CKAP5: variants seen among roughly 807,000 people sequenced by gnomAD.
CKAP5 encodes cytoskeleton associated protein 5.
CKAP5 carries 27 observed loss-of-function variants against 232.8 expected under a neutral mutation model. The observed-to-expected ratio is 0.12, with a 90% CI of 0.09 to 0.16. The LOEUF is 0.16. Ranked by LOEUF, CKAP5 falls within the 10% of genes least tolerant of loss-of-function variation. The pLI is 1.00. For synonymous variants in CKAP5, 785 were observed against 841.1 expected, an observed-to-expected ratio of 0.93 and a Z score of 1.16; for missense variants, 1,838 against 2,424.7, an observed-to-expected ratio of 0.76 and a Z score of 5.08.
intron 2 of CKAP5, 188 bp downstream of exon 2, chr11:46,820,987 C>T (rs570470224): frequency 1.9e-6 from 1 of 534,750 alleles, no homozygotes; most frequent in African/African-American, 2.0e-5. Context: ...TGAATTCTTT[C>T]CAGAGACAAA....
intron 28 of CKAP5, among the ~76,000 whole-genome samples, chr11:46,764,315 A>G (rs1360208662): frequency 6.6e-6 from 1 of 152,244 alleles, no homozygotes; most frequent in African/African-American, 2.4e-5. Flanking sequence ...AAAGACCTAC[A>G]TTCAAAGATA....
intron 24 of CKAP5, among the ~76,000 whole-genome samples, chr11:46,774,625 T>C (rs151052164): frequency 0.019 from 2,914 of 152,282 alleles, 97 homozygotes; most frequent in African/African-American, 0.066. Flanking sequence ...AGCATGGTAC[T>C]GGTACCAAAA....
intron 26 of CKAP5, among the ~76,000 whole-genome samples, chr11:46,768,295 G>T (rs940024285): frequency 3.4e-4 from 51 of 151,816 alleles, no homozygotes; most frequent in Non-Finnish European, 7.4e-5. Context: ...GGCTAAAACA[G>T]TCCTCCTACC....
chr11:46,794,178 T>C (rs1255415700), intron 13 of CKAP5, among the ~76,000 whole-genome samples: 1 of 152,138 alleles, frequency 6.6e-6, no homozygotes. Context: ...ATCATAAGCC[T>C]GGGGGCAGTG....
chr11:46,793,810 G>C (rs556734874), intron 13 of CKAP5, among the ~76,000 whole-genome samples: 4 of 152,248 alleles, frequency 2.6e-5, no homozygotes, highest in Middle Eastern at 3.4e-3. Context: ...TGTAAACCCA[G>C]CTACTCAGGA....
rs556750243 is a variant in CKAP5 at position 46,762,971 on chromosome 11, A to G, written c.3891+5T>C. 8 of 1,611,630 alleles carry G rather than the reference A, an allele frequency of 5.0e-6. No homozygotes were observed. The highest frequency in any genetic ancestry group is 1.3e-5 in the African/African-American group (1 of 74,964). On this transcript the variant is annotated splice_donor_5th_base_variant and intron_variant, in intron 30 of 43. Transcript: ENST00000529230. ...CAGTCTCCCAGAGAGAGAACACCAC[A>G]TTACCTTGACGACAAGATAGGGGAT...
At position 46,810,737 on chromosome 11, in the gene CKAP5, C is replaced by CT. The variant is rs1939255916; in HGVS notation, c.630+269_630+270insA. Among the ~76,000 whole-genome samples, 3 of 152,286 alleles carry CT rather than the reference C, an allele frequency of 2.0e-5. No homozygotes were observed. In the South Asian group the frequency reaches 6.2e-4, roughly 32 times the overall value. ...TAAGTCCCACTTTTTAAGACACTCT[C>CT]ATTAGTTCATTAATTCAGATACATT... is the stretch of plus-strand genomic sequence containing the variant. On this transcript the variant is annotated intron_variant, in intron 5 of 43. Transcript: ENST00000529230.
At chr11:46,784,436 T>C (rs1343190190) in intron 17 of CKAP5, 52 bp downstream of exon 17, 4 of 1,438,522 alleles carry the variant, frequency 2.8e-6, no homozygotes, top group African/African-American at 1.4e-5. Flanking sequence ...AGCTTAAAGT[T>C]TGGGGGAAAA....
rs1415549917 is a variant in CKAP5, at chr11:46,743,393, GAC to G, written c.*628_*629del. ...TTCCTTCCATTCCAAAGGAATAAAA[GAC>G]AGCTCCAAGTCTGTGAGCCAAGAAA... On this transcript the variant is annotated 3_prime_UTR_variant, in exon 44 of 44. Coordinates refer to ENST00000529230, the MANE Select transcript of CKAP5 (RefSeq NM_001008938.4). 1 of 152,622 alleles carries G rather than the reference GAC, an allele frequency of 6.6e-6. No individual in the cohort carries two copies. Among genetic ancestry groups the G allele is most frequent in the African/African-American group, 2.4e-5 (1 of 41,436 alleles). The allele number at this position is 152,622 out of a possible 1,614,324, so 9.5% of individuals were successfully genotyped here.
At chr11:46,790,212 A>G in intron 14 of CKAP5, 26 bp from the exon 15 acceptor site, 1 of 1,482,744 alleles carries the variant, frequency 6.7e-7, no homozygotes, top group Non-Finnish European at 9.4e-7. Flanking sequence ...ACATATTAGA[A>G]TTAGGAATTG....
At position 46,743,948 on chromosome 11, in the gene CKAP5, T is replaced by A. The variant is rs2065003490; in HGVS notation, c.*75A>T. 2 of 1,588,268 alleles carry A rather than the reference T, an allele frequency of 1.3e-6. No individual in the cohort carries two copies. The highest frequency in any genetic ancestry group is 2.7e-5 in the African/African-American group (2 of 74,370). Reference sequence around the variant, plus strand: ...ACCAGTTTGTATACACTAGGCCTGCTGAGGCCATTTTAAACTATGAGGACT... The same window carrying A: ...ACCAGTTTGTATACACTAGGCCTGCAGAGGCCATTTTAAACTATGAGGACT... On this transcript the variant is annotated 3_prime_UTR_variant, in exon 44 of 44. Coordinates refer to ENST00000529230, the MANE Select transcript of CKAP5 (RefSeq NM_001008938.4).
chr11:46,821,849 G>T (rs571352270), intron 1 of CKAP5, among the ~76,000 whole-genome samples: 40 of 151,882 alleles, frequency 2.6e-4, no homozygotes, highest in African/African-American at 9.2e-4. Flanking sequence ...GACCAGTCTG[G>T]TCAACATGGT....
chr11:46,780,582 G>T, intron 18 of CKAP5, 97 bp from the exon 19 acceptor site: 1 of 928,898 alleles, frequency 1.1e-6, no homozygotes, highest in Non-Finnish European at 1.7e-6. Flanking sequence ...GCTCCCTTTG[G>T]CAAAGTTCTC....
intron 2 of CKAP5, chr11:46,820,489 A>G (rs1939500783): frequency 6.6e-6 from 1 of 152,196 alleles, no homozygotes; most frequent in South Asian, 2.1e-4. Flanking sequence ...CAGATTCAAA[A>G]CAAACTTTAA....
chr11:46,799,303 C>T (rs916009881), intron 9 of CKAP5, among the ~76,000 whole-genome samples: 7 of 152,106 alleles, frequency 4.6e-5, no homozygotes, highest in African/African-American at 1.7e-4. Context: ...CACAGCAAAG[C>T]TCAATGGCAT....
intron 42 of CKAP5, among the ~76,000 whole-genome samples, chr11:46,747,617 AAG>A: frequency 6.6e-6 from 1 of 151,924 alleles, no homozygotes; most frequent in South Asian, 2.1e-4. Flanking sequence ...AAAAAAAAAA[AAG>A]GTTTCACTAA....
Position 46,816,918 on chromosome 11 carries a change from C to T in CKAP5, c.252-514G>A, listed in dbSNP as rs147324060. Among the ~76,000 whole-genome samples, 724 of 151,002 alleles carry T rather than the reference C, an allele frequency of 4.8e-3. 5 individuals carry two copies. The highest frequency in any genetic ancestry group is 0.016 in the African/African-American group (673 of 41,126). On this transcript the variant is annotated intron_variant, in intron 3 of 43. Transcript: ENST00000529230. ...GGTCAGGAGTTCAAGACCAGCCTGA[C>T]CAAAATGGAGAAACCTCATCTCTAC... is the stretch of plus-strand genomic sequence containing the variant.
chr11:46,782,076 C>T (rs909150909), intron 18 of CKAP5, among the ~76,000 whole-genome samples: 6 of 152,170 alleles, frequency 3.9e-5, no homozygotes, highest in Non-Finnish European at 8.8e-5. Context: ...CTGCACACCT[C>T]AGCCTCCCAA....
chr11:46,817,178 G>GA (rs1340255257), intron 3 of CKAP5, among the ~76,000 whole-genome samples: 1 of 151,924 alleles, frequency 6.6e-6, no homozygotes, highest in African/African-American at 2.4e-5. Flanking sequence ...GCAGTGGTGG[G>GA]ATTATAGCTC....
Sources: gnomAD v4.1 joint callset for allele counts (sites outside exome capture counted in the v4.1 genomes callset) on GRCh38, gnomAD v4.1.1 for gene constraint, MANE v1.5 for transcripts, NCBI Gene and HGNC (gene_info 2026-07-23, HGNC 2026-07-21) for gene names.